HDX: variants seen among roughly 807,000 people sequenced by gnomAD.
HDX encodes the protein chromosome X open reading frame 43.
A neutral mutation model predicts 45.2 loss-of-function variants in HDX; 19 were observed. That is an observed-to-expected ratio of 0.42 (90% CI 0.29 to 0.62). The LOEUF is 0.62. HDX is among the 20% of genes least tolerant of loss of function. The probability of loss-of-function intolerance (pLI) is 0.20; values close to 1 mark genes in which losing one functional copy is unlikely to be tolerated. For synonymous variants in HDX, 188 were observed against 172.8 expected, an observed-to-expected ratio of 1.09 and a Z score of -0.69; for missense variants, 532 against 493.9, an observed-to-expected ratio of 1.08 and a Z score of -0.73.
intron 1 of HDX, among the ~76,000 whole-genome samples, chrX:84,497,643 G>A (rs754089864): frequency 4.0e-4 from 44 of 110,543 alleles, no homozygotes; most frequent in South Asian, 7.8e-4. Context: ...AGGTATTAGA[G>A]GTTCAGAAGG....
At chrX:84,331,504 C>G (rs1487335453) in intron 9 of HDX, among the ~76,000 whole-genome samples, 2 of 111,498 alleles carry the variant, frequency 1.8e-5, no homozygotes, top group Non-Finnish European at 3.8e-5. Context: ...ACTATAGTTA[C>G]AGTTGAACAA....
At chrX:84,351,289 A>G (rs2037353540) in intron 6 of HDX, among the ~76,000 whole-genome samples, 1 of 111,155 alleles carries the variant, frequency 9.0e-6, no homozygotes, top group Non-Finnish European at 1.9e-5. Context: ...GGAATGGTGG[A>G]GGAAGGATTT....
chrX:84,492,492 C>T (rs1476658163), intron 1 of HDX, among the ~76,000 whole-genome samples: 1 of 110,685 alleles, frequency 9.0e-6, no homozygotes, highest in African/African-American at 3.3e-5. Flanking sequence ...GATAATTGAC[C>T]TCTGGAACCT....
chrX:84,427,893 T>G (rs1174450211), intron 5 of HDX, among the ~76,000 whole-genome samples: 1 of 110,717 alleles, frequency 9.0e-6, no homozygotes, highest in East Asian at 2.8e-4. Flanking sequence ...TTTTAAAGAG[T>G]GTTTTAACAT....
At chrX:84,341,083 T>G (rs2037075052) in intron 7 of HDX, among the ~76,000 whole-genome samples, 1 of 110,703 alleles carries the variant, frequency 9.0e-6, no homozygotes, top group Non-Finnish European at 1.9e-5. Context: ...GAAACTTCAC[T>G]TAGGGTCTTC....
At chrX:84,393,200 C>A (rs761297657) in intron 5 of HDX, among the ~76,000 whole-genome samples, 1 of 111,163 alleles carries the variant, frequency 9.0e-6, no homozygotes, top group South Asian at 3.8e-4. Context: ...TCTTTCTGTG[C>A]CTAGTTTGTT....
intron 5 of HDX, among the ~76,000 whole-genome samples, chrX:84,410,853 T>C (rs947585254): frequency 9.0e-6 from 1 of 111,558 alleles, no homozygotes; most frequent in African/African-American, 3.3e-5. Flanking sequence ...AATTCATTAT[T>C]GGTTTGTTTA....
intron 7 of HDX, among the ~76,000 whole-genome samples, chrX:84,342,757 G>A (rs1352623195): frequency 9.0e-6 from 1 of 110,886 alleles, no homozygotes; most frequent in Admixed American, 9.6e-5. Flanking sequence ...GGCAAATGTG[G>A]GGGTATATTT....
chrX:84,410,439 T>C (rs5968315), intron 5 of HDX, among the ~76,000 whole-genome samples: 4,956 of 111,580 alleles, frequency 0.044, 97 homozygotes, highest in African/African-American at 0.07. Context: ...TGTGTGTGTG[T>C]GCGCACGTTT....
At chrX:84,442,476 T>A (rs2039781304) in intron 4 of HDX, among the ~76,000 whole-genome samples, 2 of 111,061 alleles carry the variant, frequency 1.8e-5, no homozygotes, top group South Asian at 7.4e-4. Context: ...ATAAAAAATA[T>A]TTTTACTCAA....
chrX:84,371,604 T>C (rs936355301), intron 5 of HDX, among the ~76,000 whole-genome samples: 7 of 111,801 alleles, frequency 6.3e-5, no homozygotes, highest in African/African-American at 9.8e-5. Flanking sequence ...TATACATTTC[T>C]GTATATTTAA....
intron 10 of HDX, 100 bp from the exon 11 acceptor site, chrX:84,322,114 G>C: frequency 2.0e-6 from 1 of 491,962 alleles, no homozygotes; most frequent in Non-Finnish European, 3.1e-6. Flanking sequence ...TATCCTTATG[G>C]ATTTAAAGAA....
intron 6 of HDX, among the ~76,000 whole-genome samples, chrX:84,352,855 A>G (rs1171535722): frequency 9.0e-6 from 1 of 111,634 alleles, no homozygotes; most frequent in Non-Finnish European, 1.9e-5. Flanking sequence ...CTTTTCTTTT[A>G]CAATAATCTT....
intron 5 of HDX, among the ~76,000 whole-genome samples, chrX:84,417,173 TGAAA>T (rs1309392116): frequency 7.9e-5 from 3 of 38,102 alleles, no homozygotes; most frequent in African/African-American, 2.0e-4. Context: ...AAAGAAAGAA[TGAAA>T]GAAAGAAAGA....
chrX:84,367,648 A>G lies in HDX; in HGVS notation c.1306-6036T>C, dbSNP rs1192572585. Among the ~76,000 whole-genome samples the G allele has an allele frequency of 2.7e-5, 3 of 112,399 alleles. No homozygotes were observed. In the East Asian group the frequency reaches 8.4e-4, roughly 31 times the overall value. ...TGGATTAAGAAAATGTGGCACATATATACCATGGAATACAAGGCAGCCATA... is the reference window on the plus strand; with the variant it reads ...TGGATTAAGAAAATGTGGCACATATGTACCATGGAATACAAGGCAGCCATA... On this transcript the variant is annotated intron_variant, in intron 5 of 10. Coordinates refer to ENST00000373177, the MANE Select transcript of HDX (RefSeq NM_001177479.2).
chrX:84,421,309 C>T (rs1436254043), intron 5 of HDX, among the ~76,000 whole-genome samples: 1 of 111,156 alleles, frequency 9.0e-6, no homozygotes, highest in East Asian at 2.8e-4. Flanking sequence ...GTATTAGTTT[C>T]CGTTTTGCTT....
At chrX:84,465,520 G>A (rs1441546526) in intron 4 of HDX, among the ~76,000 whole-genome samples, 1 of 112,072 alleles carries the variant, frequency 8.9e-6, no homozygotes, top group African/African-American at 3.3e-5. Flanking sequence ...GTCCTTTGCA[G>A]GAGCATGGAT....
chrX:84,482,947 T>C (rs1205617707), intron 2 of HDX, among the ~76,000 whole-genome samples: 1 of 111,982 alleles, frequency 8.9e-6, no homozygotes, highest in East Asian at 2.8e-4. Context: ...AAATGGGCTA[T>C]AGGCCTCATG....
chrX:84,425,118 G>GA (rs910612289), intron 5 of HDX, among the ~76,000 whole-genome samples: 2 of 110,498 alleles, frequency 1.8e-5, no homozygotes, highest in Non-Finnish European at 3.8e-5. Context: ...CAATTTTATA[G>GA]AAAAAAAATC....
Sources: allele counts gnomAD v4.1 joint callset (sites outside exome capture counted in the v4.1 genomes callset), GRCh38; gene constraint gnomAD v4.1.1; transcripts MANE v1.5; gene names NCBI Gene and HGNC (gene_info 2026-07-23, HGNC 2026-07-21).